Variants in BOC observed in about 807,000 individuals in gnomAD.
The protein encoded by BOC is brother of CDO.
Under a neutral mutation model 112.0 loss-of-function variants are expected in BOC, and 76 were observed. The ratio of observed to expected loss-of-function variants is 0.68; its 90% CI spans 0.56 to 0.82. The LOEUF (loss-of-function observed/expected upper bound fraction) is 0.82. Among genes scored for constraint, BOC ranks in the 40% least tolerant of loss-of-function variants. The pLI is 0.00. For synonymous variants in BOC, 580 were observed against 599.8 expected (o/e 0.97, Z 0.48); for missense variants, 1,309 against 1,511.7 (o/e 0.87, Z 2.22).
chr3:113,274,632 G>A lies in BOC; in HGVS notation c.1492G>A (p.Glu498Lys), dbSNP rs539669330. 3.1e-6 allele frequency: 5 copies of A among 1,609,566 alleles called. No homozygotes were observed. In the East Asian group the frequency reaches 8.9e-5, roughly 29 times the overall value. ...TGAACTGGTGTGGCGGCCTCGGCATGAGGGCAGTGGCCGGGCGCCAATCCT... is the reference window on the plus strand; with the variant it reads ...TGAACTGGTGTGGCGGCCTCGGCATAAGGGCAGTGGCCGGGCGCCAATCCT... ...SYELVWRPRH[E>K]GSGRAPILYY... Residue 498 changes from glutamate to lysine, a missense_variant, in exon 9 of 20, where the codon GAG becomes AAG. Coordinates refer to ENST00000682979, the MANE Select transcript of BOC (RefSeq NM_001378074.1). This position sits in a 1 kb window ranked among gnomAD's most constrained non-coding sequence, Gnocchi z 4.8.
chr3:113,240,072 A>T (rs1369628107), intron 2 of BOC, among the ~76,000 whole-genome samples: 1 of 152,188 alleles, frequency 6.6e-6, no homozygotes, highest in East Asian at 1.9e-4. Flanking sequence ...ACTGCATGAT[A>T]CTTAGGTTTG....
chr3:113,240,231 A>G (rs7641303), intron 2 of BOC, among the ~76,000 whole-genome samples: 62 of 152,346 alleles, frequency 4.1e-4, no homozygotes, highest in African/African-American at 1.5e-3. Context: ...GGAATGTGGA[A>G]TGTATCAAGC....
intron 4 of BOC, among the ~76,000 whole-genome samples, chr3:113,265,381 G>A (rs2107593648): frequency 6.6e-6 from 1 of 151,944 alleles, no homozygotes; most frequent in East Asian, 1.9e-4. Flanking sequence ...GAAACCTCTT[G>A]GTGGAGTAGT....
At chr3:113,233,841 T>A (rs1445707671) in intron 2 of BOC, among the ~76,000 whole-genome samples, 2 of 150,030 alleles carry the variant, frequency 1.3e-5, no homozygotes, top group African/African-American at 4.9e-5. Context: ...AGGTCTTATG[T>A]CCTGCCTGCC....
rs776612516 is a variant in BOC at position 113,268,352 on chromosome 3, A to C, written c.430A>C (p.Asn144His). Reference sequence around the variant, plus strand: ...GCACGTGATTGAAGTGGATGAGGGAAACACAGCAGTCATTGCCTGCCACCT... The same window carrying C: ...GCACGTGATTGAAGTGGATGAGGGACACACAGCAGTCATTGCCTGCCACCT... ...VQHVIEVDEGNTAVIACHLPE... is the reference protein window; with the variant it reads ...VQHVIEVDEGHTAVIACHLPE... The change falls in exon 5 of 20, where the codon AAC (asparagine) becomes CAC (histidine). Residue 144 changes from asparagine (N) to histidine (H), a missense_variant. Physicochemically the swap from Asn to His is moderately conservative, Grantham distance 68 (BLOSUM62 1). Transcript: ENST00000682979. The C allele has an allele frequency of 1.2e-6, 2 of 1,614,148 alleles. No individual in the cohort carries two copies. Among genetic ancestry groups the C allele is most frequent in the South Asian group, 2.2e-5 (2 of 91,052 alleles).
chr3:113,286,665 C>T lies in BOC; in HGVS notation c.3161-10C>T, dbSNP rs937829883. On this transcript the variant is annotated splice_polypyrimidine_tract_variant and intron_variant, in intron 19 of 19. Transcript: ENST00000682979. ...TGGATTTTAATGGTTCCTACTCTTT[C>T]TCCCCTCAGGGCCCCCATGCTGCTT... 3 of 1,554,340 alleles carry T rather than the reference C, an allele frequency of 1.9e-6. No individual in the cohort carries two copies. The African/African-American group carries it at 4.2e-5, about 22-fold the overall frequency.
In BOC at chr3:113,283,565, G is replaced by A. The variant is rs757865072; in HGVS notation, c.2589G>A (p.Leu863=). The change falls in exon 16 of 20, where the codon CTG becomes CTA. Residue 863 remains leucine (L), a synonymous_variant. Transcript: ENST00000682979. ...CCTATCTGATTGTCGGGGTCGTCCT[G>A]GGCTCCATCGTTCTCATCATCGTCA... The part of the protein sequence containing the change: ...DLPYLIVGVV[L]GSIVLIIVTF... 4 of 1,613,830 alleles carry A rather than the reference G, an allele frequency of 2.5e-6. No individual in the cohort carries two copies. Among genetic ancestry groups the A allele is most frequent in the East Asian group, 2.2e-5 (1 of 44,840 alleles).
At chr3:113,270,438 C>G (rs991254256) in intron 5 of BOC, 6 of 215,744 alleles carry the variant, frequency 2.8e-5, no homozygotes, top group Non-Finnish European at 5.6e-5. Flanking sequence ...CCCAGCAGAC[C>G]CAGAGTGTGA....
chr3:113,277,967 C>G, intron 9 of BOC, 128 bp from the exon 10 acceptor site: 2 of 1,270,762 alleles, frequency 1.6e-6, no homozygotes, highest in Non-Finnish European at 2.2e-6. Context: ...CCACCCTAAC[C>G]CCAACCTGGC....
chr3:113,225,615 A>G lies in BOC; in HGVS notation c.-82+9341A>G, dbSNP rs76973243. On this transcript the variant is annotated intron_variant, in intron 2 of 19. Coordinates refer to ENST00000682979, the MANE Select transcript of BOC (RefSeq NM_001378074.1). ...TGCAGTATTATATATTTGCCTGGCT[A>G]ATATTACATGTCCCAGGTTTGTGCC... 2.0e-3 allele frequency among the ~76,000 whole-genome samples: 309 copies of G among 152,372 alleles called. 3 individuals carry two copies. The highest frequency in any genetic ancestry group is 7.2e-3 in the African/African-American group (298 of 41,586).
intron 2 of BOC, among the ~76,000 whole-genome samples, chr3:113,247,458 A>G (rs1340343747): frequency 6.8e-6 from 1 of 146,486 alleles, no homozygotes; most frequent in Admixed American, 7.0e-5. Context: ...TTCTACATCA[A>G]CTCTGTTTGC....
intron 2 of BOC, among the ~76,000 whole-genome samples, chr3:113,238,982 C>A (rs771755866): frequency 1.3e-5 from 2 of 152,152 alleles, no homozygotes; most frequent in Non-Finnish European, 2.9e-5. Flanking sequence ...TTTGAGGGCT[C>A]TAGACCAATG....
At chr3:113,250,919 T>C in intron 4 of BOC, 86 bp downstream of exon 4, 1 of 1,517,882 alleles carries the variant, frequency 6.6e-7, no homozygotes, top group Non-Finnish European at 8.9e-7. Context: ...ATGCTGCCTC[T>C]TGTTACTCTT....
chr3:113,258,059 T>G (rs1327733940), intron 4 of BOC, among the ~76,000 whole-genome samples: 3 of 152,210 alleles, frequency 2.0e-5, no homozygotes, highest in African/African-American at 4.8e-5. Flanking sequence ...TGAACAGATT[T>G]TAATGGGAGC....
At chr3:113,265,806 C>A (rs1204213629) in intron 4 of BOC, among the ~76,000 whole-genome samples, 1 of 152,232 alleles carries the variant, frequency 6.6e-6, no homozygotes, top group East Asian at 1.9e-4. Flanking sequence ...ATGATGAAAG[C>A]AGAGCATTAA....
Position 113,281,083 on chromosome 3 carries a change from C to T in BOC, c.2364C>T (p.Asp788=), listed in dbSNP as rs1949154118. The T allele has an allele frequency of 1.9e-6, 3 of 1,614,090 alleles. No homozygotes were observed. Among genetic ancestry groups the T allele is most frequent in the Non-Finnish European group, 2.5e-6 (3 of 1,180,000 alleles). ...ISHLQPETSY[D]IKMQCFNEGG... ...ACCTGCAGCCAGAGACCTCCTACGA[C>T]ATTAAGATGCAGTGCTTCAATGAAG... Residue 788 remains aspartate (D), a synonymous_variant, in exon 15 of 20, where the codon GAC becomes GAT. Transcript: ENST00000682979.
At chr3:113,219,120 A>G (rs1465305408) in intron 2 of BOC, among the ~76,000 whole-genome samples, 3 of 152,258 alleles carry the variant, frequency 2.0e-5, no homozygotes, top group African/African-American at 7.2e-5. Flanking sequence ...CCTCCCTCCC[A>G]AGAGAAGGAG....
chr3:113,239,636 A>G (rs1222055916), intron 2 of BOC, among the ~76,000 whole-genome samples: 2 of 152,226 alleles, frequency 1.3e-5, no homozygotes, highest in East Asian at 1.9e-4. Context: ...TACAGCCCAC[A>G]TGGCGGGCTT....
At chr3:113,214,549 A>G (rs1229635327) in intron 1 of BOC, among the ~76,000 whole-genome samples, 2 of 152,230 alleles carry the variant, frequency 1.3e-5, no homozygotes, top group Non-Finnish European at 2.9e-5. Context: ...GGTGCACCAA[A>G]TAATTGCTAT....
Sources: gnomAD v4.1 joint callset for allele counts (sites outside exome capture counted in the v4.1 genomes callset) on GRCh38, gnomAD v4.1.1 for gene constraint, Gnocchi (gnomAD v3.1) non-coding constraint, MANE v1.5 for transcripts, NCBI Gene and HGNC (gene_info 2026-07-23, HGNC 2026-07-21) for gene names.